The following ADAMTS3 variants were observed in gnomAD, a reference collection of about 807,000 sequenced individuals.
The protein encoded by ADAMTS3 is ADAM metallopeptidase with thrombospondin type 1 motif 3, also known as A disintegrin and metalloproteinase with thrombospondin motifs 3.
In ADAMTS3, 73 loss-of-function variants were observed where a neutral mutation model predicts 129.0. The ratio of observed to expected loss-of-function variants is 0.57; its 90% confidence interval spans 0.47 to 0.69. ADAMTS3 has a LOEUF of 0.69. Among genes scored for constraint, ADAMTS3 ranks in the 30% least tolerant of loss-of-function variants. ADAMTS3 has a pLI of 0.00. For synonymous variants in ADAMTS3, 477 were observed against 510.8 expected (o/e 0.93, Z 0.89); for missense variants, 1,457 against 1,514.5 (o/e 0.96, Z 0.63).
Position 72,311,127 on chromosome 4 carries a change from T to A in ADAMTS3, c.1976A>T (p.Tyr659Phe), listed in dbSNP as rs1719223649. 3.1e-6 allele frequency: 5 copies of A among 1,612,606 alleles called. No homozygotes were observed. Among genetic ancestry groups the A allele is most frequent in the African/African-American group, 1.3e-5 (1 of 74,854 alleles). The change falls in exon 14 of 22, where the codon TAC becomes TTC. Residue 659 changes from tyrosine to phenylalanine, a missense_variant. Tyr to Phe is a conservative substitution (Grantham distance 22). Coordinates refer to ENST00000286657, the MANE Select transcript of ADAMTS3 (RefSeq NM_014243.3). Reference sequence around the variant, plus strand: ...TCCATCATGCACCAGTTGTTTCATGTAAGCAACATCTCCAGTCTCCTTGGA... The same window carrying A: ...TCCATCATGCACCAGTTGTTTCATGAAAGCAACATCTCCAGTCTCCTTGGA... ...CQSKETGDVAYMKQLVHDGTH... is the reference protein window; with the variant it reads ...CQSKETGDVAFMKQLVHDGTH...
intron 4 of ADAMTS3, among the ~76,000 whole-genome samples, chr4:72,386,930 G>A (rs7675308): frequency 0.041 from 6,180 of 151,884 alleles, 410 homozygotes; most frequent in African/African-American, 0.14. Flanking sequence ...TTAAAAATAA[G>A]GTAACATAAA....
Position 72,557,381 on chromosome 4 carries a change from C to T in ADAMTS3, c.98-8497G>A, listed in dbSNP as rs137950395. On this transcript the variant is annotated intron_variant, in intron 2 of 21. Transcript: ENST00000286657. ...AATGGTACACATCTTCCCTCAAAAG[C>T]AATTAAAAATTAATTGTGACACATG... is the stretch of plus-strand genomic sequence containing the variant. Among the ~76,000 whole-genome samples, 272 of 151,882 alleles carry T rather than the reference C, an allele frequency of 1.8e-3. 8 individuals carry two copies. Among genetic ancestry groups the T allele is most frequent in the African/African-American group, 6.3e-3 (259 of 41,190 alleles).
chr4:72,365,905 G>A (rs1027841986), intron 4 of ADAMTS3, among the ~76,000 whole-genome samples: 6 of 152,120 alleles, frequency 3.9e-5, no homozygotes, highest in African/African-American at 4.8e-5. Context: ...GAATTTTATG[G>A]TTCGAAAACA....
intron 4 of ADAMTS3, among the ~76,000 whole-genome samples, chr4:72,371,474 T>TAAATA (rs1721003542): frequency 7.7e-6 from 1 of 130,140 alleles, no homozygotes; most frequent in South Asian, 2.4e-4. Flanking sequence ...AATAAATAAA[T>TAAATA]AAAGTAGATG....
At chr4:72,458,386 C>T (rs879839660) in intron 3 of ADAMTS3, among the ~76,000 whole-genome samples, 4 of 151,250 alleles carry the variant, frequency 2.6e-5, no homozygotes, top group Non-Finnish European at 5.9e-5. Context: ...GTCATCATTG[C>T]TTAAAAATAG....
intron 3 of ADAMTS3, among the ~76,000 whole-genome samples, chr4:72,458,011 G>A (rs1321855654): frequency 1.3e-5 from 2 of 151,544 alleles, no homozygotes; most frequent in Non-Finnish European, 3.0e-5. Flanking sequence ...TTCTGCTTCC[G>A]TTTCTTCAGC....
At position 72,339,515 on chromosome 4, in the gene ADAMTS3, GTA is replaced by G. The variant is rs747971016; in HGVS notation, c.838_839del (p.Tyr280ProfsTer10). 1 of 1,613,894 alleles carries G rather than the reference GTA, an allele frequency of 6.2e-7. No homozygotes were observed. Among genetic ancestry groups the G allele is most frequent in the South Asian group, 1.1e-5 (1 of 91,076 alleles). On this transcript the variant is annotated frameshift_variant, in exon 5 of 22. Coordinates refer to ENST00000286657, the MANE Select transcript of ADAMTS3 (RefSeq NM_014243.3). LOFTEE classifies it high-confidence loss of function. ...RFHGKEHVQN[Y>X]LLTLMNIVNE... ...TCACAATGTTCATTAGGGTCAGGAG[GTA>G]GTTTTGGACGTGCTCTTTGCCATGG...
chr4:72,455,606 A>G (rs1718529403), intron 3 of ADAMTS3, among the ~76,000 whole-genome samples: 1 of 122,480 alleles, frequency 8.2e-6, no homozygotes, highest in Non-Finnish European at 1.7e-5. Flanking sequence ...CATGTATCCC[A>G]GAACTTAAAG....
intron 4 of ADAMTS3, among the ~76,000 whole-genome samples, chr4:72,351,456 A>G (rs1720433487): frequency 6.6e-6 from 1 of 151,732 alleles, no homozygotes; most frequent in Admixed American, 6.6e-5. Context: ...TAAAAAATGT[A>G]CTTTTATGAC....
At chr4:72,529,311 A>G (rs1000368689) in intron 3 of ADAMTS3, among the ~76,000 whole-genome samples, 30 of 152,164 alleles carry the variant, frequency 2.0e-4, no homozygotes, top group Admixed American at 8.5e-4. Context: ...GTAGCATCAT[A>G]TGGGAACTGT....
intron 3 of ADAMTS3, among the ~76,000 whole-genome samples, chr4:72,470,803 G>A (rs1243699775): frequency 6.6e-6 from 1 of 151,960 alleles, no homozygotes; most frequent in Non-Finnish European, 1.5e-5. Flanking sequence ...CACACTTATG[G>A]TAATGACAAT....
chr4:72,558,434 TTCTC>T (rs1023778180), intron 2 of ADAMTS3, among the ~76,000 whole-genome samples: 5 of 151,604 alleles, frequency 3.3e-5, no homozygotes, highest in Non-Finnish European at 5.9e-5. Flanking sequence ...ACCTCTCTGG[TTCTC>T]TCTCTTTCAC....
intron 3 of ADAMTS3, among the ~76,000 whole-genome samples, chr4:72,520,058 A>T (rs1438763508): frequency 6.6e-6 from 1 of 152,172 alleles, no homozygotes; most frequent in African/African-American, 2.4e-5. Flanking sequence ...CTTCTAACAG[A>T]CAGGACCCTC....
At position 72,312,275 on chromosome 4, in the gene ADAMTS3, G is replaced by A; in HGVS notation, c.1921+16C>T. On this transcript the variant is annotated intron_variant, in intron 13 of 21. Coordinates refer to ENST00000286657, the MANE Select transcript of ADAMTS3 (RefSeq NM_014243.3). ...AACCATCCACACAGCAGGAAGGAGA[G>A]CACGAGGCTACTCACGGTCAGGATG... 6.2e-7 allele frequency: 1 copy of A among 1,613,014 alleles called. No individual in the cohort carries two copies. The highest frequency in any genetic ancestry group is 8.5e-7 in the Non-Finnish European group (1 of 1,179,376).
At chr4:72,494,248 A>C (rs183570946) in intron 3 of ADAMTS3, among the ~76,000 whole-genome samples, 42 of 152,232 alleles carry the variant, frequency 2.8e-4, no homozygotes, top group African/African-American at 9.1e-4. Flanking sequence ...TGAGTCTCAT[A>C]AGCTTTCTTC....
intron 18 of ADAMTS3, 120 bp downstream of exon 18, chr4:72,298,157 G>A: frequency 2.8e-6 from 2 of 725,872 alleles, no homozygotes; most frequent in South Asian, 4.9e-5. Context: ...TTGATGTTTT[G>A]ATGGTTATGT....
intron 15 of ADAMTS3, among the ~76,000 whole-genome samples, chr4:72,307,518 T>C: frequency 6.6e-6 from 1 of 152,052 alleles, no homozygotes; most frequent in East Asian, 1.9e-4. Flanking sequence ...ATGTCTTTAA[T>C]TAGTGGAGGG....
At chr4:72,381,399 T>C (rs1054194812) in intron 4 of ADAMTS3, among the ~76,000 whole-genome samples, 2 of 152,134 alleles carry the variant, frequency 1.3e-5, no homozygotes, top group African/African-American at 2.4e-5. Flanking sequence ...TGGATTAATT[T>C]TGCAATTATG....
At chr4:72,516,150 T>TATGC (rs1198857863) in intron 3 of ADAMTS3, among the ~76,000 whole-genome samples, 1 of 152,168 alleles carries the variant, frequency 6.6e-6, no homozygotes, top group African/African-American at 2.4e-5. Flanking sequence ...TAGTTGTAGA[T>TATGC]ATGCAGCATT....
Sources: gnomAD v4.1 joint callset for allele counts (sites outside exome capture counted in the v4.1 genomes callset) on GRCh38, gnomAD v4.1.1 for gene constraint, MANE v1.5 for transcripts, NCBI Gene and HGNC (gene_info 2026-07-23, HGNC 2026-07-21) for gene names.